CTNNA2: variants seen among roughly 807,000 people sequenced by gnomAD.
The protein encoded by CTNNA2 is catenin alpha 2.
A neutral mutation model predicts 101.0 loss-of-function variants in CTNNA2; 42 were observed. The ratio of observed to expected loss-of-function variants is 0.42; its 90% CI spans 0.32 to 0.54. CTNNA2 has a LOEUF of 0.54. Ranked by LOEUF, CTNNA2 falls within the 20% of genes least tolerant of loss-of-function variation. The probability of loss-of-function intolerance (pLI) is 0.14; values close to 1 mark genes in which losing one functional copy is unlikely to be tolerated. For synonymous variants in CTNNA2, 450 were observed against 456.4 expected (o/e 0.99, Z 0.18); for missense variants, 871 against 1,223.1 (o/e 0.71, Z 4.29).
At chr2:80,406,263 G>A (rs1679043538) in intron 8 of CTNNA2, among the ~76,000 whole-genome samples, 1 of 152,054 alleles carries the variant, frequency 6.6e-6, no homozygotes, top group African/African-American at 2.4e-5. Context: ...GAACCCGGGA[G>A]GCGGAGGTTA....
Position 80,231,447 on chromosome 2 carries a change from A to G in CTNNA2, c.1057-161764A>G, listed in dbSNP as rs529570492. On this transcript the variant is annotated intron_variant, in intron 7 of 18. Transcript: ENST00000402739. Reference sequence around the variant, plus strand: ...GCACTGTCCTTCTTAGGCAATTTCTACTGTCCAGTGTAAACCAAATATAAA... The same window carrying G: ...GCACTGTCCTTCTTAGGCAATTTCTGCTGTCCAGTGTAAACCAAATATAAA... 3.9e-5 allele frequency among the ~76,000 whole-genome samples: 6 copies of G among 152,206 alleles called. No homozygotes were observed. The East Asian group carries it at 1.2e-3, about 29-fold the overall frequency.
chr2:79,595,232 C>T lies in CTNNA2; in HGVS notation c.-5-56320C>T, dbSNP rs144745839. ...TTTTCATAGGTCTTCATTCTATTTC[C>T]TAAATATATGCTTTCCTCCAGGTCC... On this transcript the variant is annotated intron_variant, in intron 1 of 18. Coordinates refer to ENST00000402739, the MANE Select transcript of CTNNA2 (RefSeq NM_001282597.3). Among the ~76,000 whole-genome samples the T allele has an allele frequency of 3.0e-3, 451 of 152,236 alleles. 1 individual carries two copies. The highest frequency in any genetic ancestry group is 6.8e-3 in the Middle Eastern group (2 of 292).
intron 7 of CTNNA2, among the ~76,000 whole-genome samples, chr2:80,033,166 A>C (rs1695414170): frequency 6.6e-6 from 1 of 150,558 alleles, no homozygotes; most frequent in South Asian, 2.1e-4. Context: ...AAAAAAAAAA[A>C]CAAACACACA....
intron 11 of CTNNA2, among the ~76,000 whole-genome samples, chr2:80,553,358 G>A (rs1384947658): frequency 6.6e-6 from 1 of 152,096 alleles, no homozygotes; most frequent in African/African-American, 2.4e-5. Flanking sequence ...CAATGTTTTT[G>A]TTATGGATTT....
chr2:80,303,506 T>G lies in CTNNA2; in HGVS notation c.1057-89705T>G, dbSNP rs1163663068. On this transcript the variant is annotated intron_variant, in intron 7 of 18. Transcript: ENST00000402739. This position sits in a 1 kb window ranked among gnomAD's most constrained non-coding sequence, Gnocchi z 7.7. ...GCGCAGTTTCTGAAAGGCGTCCCCC[T>G]GCACGGAGCAGATGTGATTGTGATC... 2 of 1,614,108 alleles carry G rather than the reference T, an allele frequency of 1.2e-6. No homozygotes were observed. Among genetic ancestry groups the G allele is most frequent in the East Asian group, 2.2e-5 (1 of 44,878 alleles).
intron 4 of CTNNA2, among the ~76,000 whole-genome samples, chr2:79,449,411 A>G (rs79743575): frequency 1.1e-3 from 167 of 152,138 alleles, no homozygotes; most frequent in African/African-American, 3.8e-3. Flanking sequence ...AACACCACCA[A>G]GTAGGCTACA....
chr2:80,064,564 C>T (rs1357060188), intron 7 of CTNNA2, among the ~76,000 whole-genome samples: 2 of 152,218 alleles, frequency 1.3e-5, no homozygotes, highest in Admixed American at 6.5e-5. Flanking sequence ...TAGCTGGTGG[C>T]TCAGCTGGGG....
At chr2:79,419,533 C>A (rs1189451429) in intron 4 of CTNNA2, among the ~76,000 whole-genome samples, 2 of 151,930 alleles carry the variant, frequency 1.3e-5, no homozygotes, top group Non-Finnish European at 2.9e-5. Flanking sequence ...TCCACAAATT[C>A]TTTCCATAAA....
chr2:79,234,334 C>A (rs1486798776), intron 2 of CTNNA2, among the ~76,000 whole-genome samples: 2 of 152,010 alleles, frequency 1.3e-5, no homozygotes, highest in Non-Finnish European at 2.9e-5. Context: ...GGTTGAAATT[C>A]TTTTCTTTAA....
intron 7 of CTNNA2, among the ~76,000 whole-genome samples, chr2:80,228,321 G>A (rs1709007377): frequency 6.6e-6 from 1 of 152,194 alleles, no homozygotes; most frequent in South Asian, 2.1e-4. Flanking sequence ...CTGCTTCATA[G>A]ATAGTGTCTT....
chr2:79,186,126 G>A (rs1381363192), intron 1 of CTNNA2, among the ~76,000 whole-genome samples: 1 of 152,066 alleles, frequency 6.6e-6, no homozygotes, highest in Non-Finnish European at 1.5e-5. Context: ...TAGGTGCCTG[G>A]GGTTTTCTTG....
intron 2 of CTNNA2, among the ~76,000 whole-genome samples, chr2:79,716,002 G>A: frequency 6.6e-6 from 1 of 151,580 alleles, no homozygotes; most frequent in East Asian, 1.9e-4. Context: ...TTTATATACA[G>A]CCAGTTAATC....
At chr2:79,389,420 G>A (rs1678141747) in intron 4 of CTNNA2, among the ~76,000 whole-genome samples, 2 of 152,134 alleles carry the variant, frequency 1.3e-5, no homozygotes, top group Non-Finnish European at 1.5e-5. Flanking sequence ...CAGATAAAAA[G>A]CATGGGGGAG....
chr2:79,367,629 C>A (rs1677779159), intron 3 of CTNNA2, among the ~76,000 whole-genome samples: 1 of 152,012 alleles, frequency 6.6e-6, no homozygotes, highest in African/African-American at 2.4e-5. Context: ...GAGTTGAGAA[C>A]CAACTAGAGG....
chr2:79,535,248 T>C (rs1394955161), intron 1 of CTNNA2, among the ~76,000 whole-genome samples: 1 of 151,914 alleles, frequency 6.6e-6, no homozygotes, highest in Admixed American at 6.6e-5. Context: ...ACTGTCGCCC[T>C]GGCTGGAGTT....
intron 9 of CTNNA2, among the ~76,000 whole-genome samples, chr2:80,503,352 C>T (rs1321677402): frequency 2.0e-5 from 3 of 152,136 alleles, no homozygotes; most frequent in Non-Finnish European, 4.4e-5. Flanking sequence ...ATGTTTTCCG[C>T]ACAATCACAC....
intron 1 of CTNNA2, among the ~76,000 whole-genome samples, chr2:79,647,187 G>C (rs1283587632): frequency 1.3e-5 from 2 of 152,036 alleles, no homozygotes; most frequent in African/African-American, 4.8e-5. Context: ...CTGTTCTCTT[G>C]TTTTCTCGTT....
chr2:79,813,248 T>C (rs1677192568), intron 3 of CTNNA2, among the ~76,000 whole-genome samples: 1 of 152,188 alleles, frequency 6.6e-6, no homozygotes, highest in African/African-American at 2.4e-5. Context: ...TCACTCATTC[T>C]AATCTCTGCC....
At chr2:80,251,595 C>T (rs1460242309) in intron 7 of CTNNA2, among the ~76,000 whole-genome samples, 6 of 152,174 alleles carry the variant, frequency 3.9e-5, no homozygotes, top group African/African-American at 1.4e-4. Flanking sequence ...TCCTAACTTT[C>T]TACAGGTGAT....
Sources: gnomAD v4.1 joint callset for allele counts (sites outside exome capture counted in the v4.1 genomes callset) on GRCh38, gnomAD v4.1.1 for gene constraint, Gnocchi (gnomAD v3.1) non-coding constraint, MANE v1.5 for transcripts, NCBI Gene and HGNC (gene_info 2026-07-23, HGNC 2026-07-21) for gene names.